DIAPH3: variants seen among roughly 807,000 people sequenced by gnomAD.
DIAPH3 encodes diaphanous related formin 3.
In DIAPH3, 117 loss-of-function variants were observed where a neutral mutation model predicts 144.3. The ratio of observed to expected loss-of-function variants is 0.81; its 90% CI spans 0.70 to 0.95. The LOEUF is 0.95. Ranked by LOEUF, DIAPH3 falls within the 40% of genes least tolerant of loss-of-function variation. The pLI is 0.00. For missense variants in DIAPH3, 1,421 were observed against 1,412.7 expected, an observed-to-expected ratio of 1.01 and a Z score of -0.09; for synonymous variants, 519 against 488.9, an observed-to-expected ratio of 1.06 and a Z score of -0.81.
intron 21 of DIAPH3, among the ~76,000 whole-genome samples, chr13:59,874,201 T>A (rs576504483): frequency 6.6e-6 from 1 of 152,236 alleles, no homozygotes; most frequent in Admixed American, 6.5e-5. Context: ...AGGATCCACA[T>A]CCATTCTTTC....
intron 27 of DIAPH3, among the ~76,000 whole-genome samples, chr13:59,736,773 C>T (rs545698990): frequency 6.6e-6 from 1 of 152,280 alleles, no homozygotes; most frequent in Admixed American, 6.5e-5. Context: ...AACAGGGCCA[C>T]AGTAACCAAA....
At chr13:59,900,598 C>A (rs966415440) in intron 20 of DIAPH3, among the ~76,000 whole-genome samples, 2 of 152,188 alleles carry the variant, frequency 1.3e-5, no homozygotes, top group African/African-American at 4.8e-5. Context: ...TGCCCCTCTC[C>A]AGGGAGAAGA....
At chr13:59,756,494 A>C (rs538690652) in intron 27 of DIAPH3, among the ~76,000 whole-genome samples, 53 of 139,996 alleles carry the variant, frequency 3.8e-4, no homozygotes, top group African/African-American at 1.2e-3. Context: ...GGAGGGAAGG[A>C]AGGCAGGCAG....
chr13:60,112,123 G>T lies in DIAPH3; in HGVS notation c.277C>A (p.Leu93Met), dbSNP rs2058584559. 3.1e-6 allele frequency: 5 copies of T among 1,614,096 alleles called. No homozygotes were observed. The highest frequency in any genetic ancestry group is 4.2e-6 in the Non-Finnish European group (5 of 1,180,022). The part of the protein sequence containing the change: ...SKKERPPLPN[L>M]KTAFASSDCS... ...TCACTGCTTGCAAATGCAGTCTTCA[G>T]GTTGGGAAGTGGAGGTCTCTCTTTC... Residue 93 changes from leucine to methionine, a missense_variant, in exon 3 of 28, where the codon CTG (leucine) becomes ATG (methionine). Coordinates refer to ENST00000400324, the MANE Select transcript of DIAPH3 (RefSeq NM_001042517.2).
intron 17 of DIAPH3, among the ~76,000 whole-genome samples, chr13:59,964,589 T>C (rs2049949083): frequency 6.6e-6 from 1 of 152,094 alleles, no homozygotes; most frequent in Admixed American, 6.5e-5. Context: ...CTTCCTTGGC[T>C]CCAAGCTAAA....
chr13:59,936,091 T>A (rs1269274448), intron 17 of DIAPH3, among the ~76,000 whole-genome samples: 1 of 152,142 alleles, frequency 6.6e-6, no homozygotes, highest in Non-Finnish European at 1.5e-5. Context: ...TAATAAACCC[T>A]TCATTATGGG....
At chr13:59,905,444 C>A (rs1038169790) in intron 20 of DIAPH3, among the ~76,000 whole-genome samples, 1 of 149,580 alleles carries the variant, frequency 6.7e-6, no homozygotes, top group Non-Finnish European at 1.5e-5. Context: ...TTCAATTTAG[C>A]AATTCAAAGA....
At chr13:59,944,213 C>CAA (rs148198800) in intron 17 of DIAPH3, among the ~76,000 whole-genome samples, 1 of 142,590 alleles carries the variant, frequency 7.0e-6, no homozygotes, top group Admixed American at 7.0e-5. Context: ...GACACTGTCT[C>CAA]AAAAAAAAAA....
intron 9 of DIAPH3, among the ~76,000 whole-genome samples, chr13:59,996,117 C>G (rs772468702): frequency 9.9e-5 from 15 of 151,966 alleles, no homozygotes; most frequent in Non-Finnish European, 1.9e-4. Context: ...ATTACCACTG[C>G]ATTTGGCAAA....
intron 25 of DIAPH3, among the ~76,000 whole-genome samples, chr13:59,788,648 C>T (rs977497606): frequency 2.0e-5 from 3 of 152,156 alleles, no homozygotes; most frequent in Non-Finnish European, 4.4e-5. Flanking sequence ...ACTAAATAAA[C>T]TATGACATCC....
intron 7 of DIAPH3, chr13:60,013,115 A>C: frequency 1.0e-5 from 10 of 985,220 alleles, no homozygotes; most frequent in Non-Finnish European, 1.2e-5. Flanking sequence ...CAAATTTTGA[A>C]AGGTCTAAGG....
Position 59,666,357 on chromosome 13 carries a change from CA to C in DIAPH3, c.*226del, listed in dbSNP as rs11421911. ...TAAAGAACTGAGGAATACCAGGAGA[CA>C]AAAAAAAAAAAAAAAGGATTAAAGC... is the stretch of plus-strand genomic sequence containing the variant. On this transcript the variant is annotated 3_prime_UTR_variant, in exon 28 of 28. Coordinates refer to ENST00000400324, the MANE Select transcript of DIAPH3 (RefSeq NM_001042517.2). The C allele has an allele frequency of 0.11, 33,088 of 298,368 alleles. No homozygotes were observed. Among genetic ancestry groups the C allele is most frequent in the South Asian group, 0.16 (3,234 of 20,692 alleles). The allele number at this position is 298,368 out of a possible 1,614,324, so 18.5% of individuals were successfully genotyped here. A position where few individuals can be genotyped will look rare whatever the true frequency, so the allele number is the denominator to read the frequency against.
rs796713740 is a variant in DIAPH3, at chr13:60,145,751, C to CT, written c.181-12763dup. ...ACATGGTTTGCTAGGGTGTTTCCTC[C>CT]TTTTTTTTTTTAAGTTGCTCTCAAA... On this transcript the variant is annotated intron_variant, in intron 1 of 27. Transcript: ENST00000400324. 4.9e-3 allele frequency among the ~76,000 whole-genome samples: 710 copies of CT among 146,048 alleles called. 9 individuals are homozygous for CT. Among genetic ancestry groups the CT allele is most frequent in the African/African-American group, 0.015 (609 of 40,012 alleles).
intron 27 of DIAPH3, among the ~76,000 whole-genome samples, chr13:59,692,681 G>A (rs950229050): frequency 6.6e-6 from 1 of 151,858 alleles, no homozygotes; most frequent in Non-Finnish European, 1.5e-5. Context: ...TGCAGAAATC[G>A]ACCCACCACC....
chr13:59,836,713 G>A (rs1021737460), intron 23 of DIAPH3, among the ~76,000 whole-genome samples: 3 of 151,608 alleles, frequency 2.0e-5, no homozygotes, highest in Non-Finnish European at 4.4e-5. Context: ...ATTTAAGTAC[G>A]TACTTGTAAG....
At chr13:59,872,580 T>C (rs77823548) in intron 21 of DIAPH3, among the ~76,000 whole-genome samples, 5,249 of 152,340 alleles carry the variant, frequency 0.034, 115 homozygotes, top group Non-Finnish European at 0.049. Context: ...TAATGTTGCA[T>C]GTTTTGTCTC....
intron 9 of DIAPH3, among the ~76,000 whole-genome samples, chr13:60,007,906 A>C (rs935822434): frequency 6.6e-6 from 1 of 152,170 alleles, no homozygotes; most frequent in East Asian, 1.9e-4. Flanking sequence ...AATTGGCAAA[A>C]CATCTCAAAA....
At chr13:59,818,231 C>A (rs966830612) in intron 24 of DIAPH3, among the ~76,000 whole-genome samples, 1 of 151,668 alleles carries the variant, frequency 6.6e-6, no homozygotes, top group African/African-American at 2.4e-5. Flanking sequence ...AAAAGTTTTC[C>A]AGTCTCTGAA....
chr13:59,901,955 G>A (rs1214111665), intron 20 of DIAPH3, among the ~76,000 whole-genome samples: 3 of 152,096 alleles, frequency 2.0e-5, no homozygotes, highest in Middle Eastern at 3.2e-3. Flanking sequence ...TCAGCCACCC[G>A]AATCATCTAA....
Sources: gnomAD v4.1 joint callset for allele counts (sites outside exome capture counted in the v4.1 genomes callset) on GRCh38, gnomAD v4.1.1 for gene constraint, MANE v1.5 for transcripts, NCBI Gene and HGNC (gene_info 2026-07-23, HGNC 2026-07-21) for gene names.